CNTNAP2: variants seen among roughly 807,000 people sequenced by gnomAD.
The protein encoded by CNTNAP2 is contactin associated protein 2, also known as contactin-associated protein-like 2.
A neutral mutation model predicts 155.2 loss-of-function variants in CNTNAP2; 98 were observed. That is an observed-to-expected ratio of 0.63 (90% confidence interval 0.54 to 0.75). The LOEUF is 0.75. Among genes scored for constraint, CNTNAP2 ranks in the 30% least tolerant of loss-of-function variants. The pLI, the probability that CNTNAP2 is intolerant of heterozygous loss-of-function variation, is 0.00. For synonymous variants in CNTNAP2, 651 were observed against 631.2 expected (o/e 1.03, Z -0.47); for missense variants, 1,727 against 1,688.1 (o/e 1.02, Z -0.40).
At chr7:146,483,756 T>C (rs1797014825) in intron 1 of CNTNAP2, among the ~76,000 whole-genome samples, 1 of 152,146 alleles carries the variant, frequency 6.6e-6, no homozygotes, top group South Asian at 2.1e-4. Context: ...TGTACAGCTG[T>C]ACAACGTGTT....
chr7:146,886,460 C>T (rs1378889767), intron 3 of CNTNAP2, among the ~76,000 whole-genome samples: 2 of 151,788 alleles, frequency 1.3e-5, no homozygotes, highest in Non-Finnish European at 2.9e-5. Context: ...ACATTTGTGC[C>T]CTGGTATATT....
intron 11 of CNTNAP2, among the ~76,000 whole-genome samples, chr7:147,503,470 G>A (rs10236883): frequency 0.24 from 37,019 of 151,834 alleles, 4,844 homozygotes; most frequent in East Asian, 0.39. Flanking sequence ...TCTACACCCC[G>A]CTTTGCCACA....
intron 11 of CNTNAP2, among the ~76,000 whole-genome samples, chr7:147,504,642 T>C (rs1562970318): frequency 6.7e-6 from 1 of 149,784 alleles, no homozygotes; most frequent in Admixed American, 6.7e-5. Context: ...TGACCCGAGA[T>C]TGCACCACGG....
intron 6 of CNTNAP2, among the ~76,000 whole-genome samples, chr7:147,126,146 TA>T (rs1801229653): frequency 6.6e-6 from 1 of 152,190 alleles, no homozygotes; most frequent in South Asian, 2.1e-4. Context: ...GATAATTTAT[TA>T]TATTGACTGG....
chr7:146,734,481 A>G (rs1585065190), intron 1 of CNTNAP2, among the ~76,000 whole-genome samples: 1 of 151,700 alleles, frequency 6.6e-6, no homozygotes, highest in African/African-American at 2.4e-5. Context: ...ATAAGAAGGA[A>G]TGATGATATT....
chr7:147,741,733 T>G (rs530362301), intron 13 of CNTNAP2, among the ~76,000 whole-genome samples: 1 of 152,286 alleles, frequency 6.6e-6, no homozygotes, highest in African/African-American at 2.4e-5. Context: ...CAAAAAAGTT[T>G]TTTGTTATTA....
At chr7:146,633,855 A>C (rs1015175956) in intron 1 of CNTNAP2, among the ~76,000 whole-genome samples, 1 of 148,888 alleles carries the variant, frequency 6.7e-6, no homozygotes, top group African/African-American at 2.5e-5. Context: ...AAAAAAAAAA[A>C]ACAGAAACGT....
chr7:146,371,580 T>C (rs1795237082), intron 1 of CNTNAP2, among the ~76,000 whole-genome samples: 1 of 151,980 alleles, frequency 6.6e-6, no homozygotes, highest in Non-Finnish European at 1.5e-5. Flanking sequence ...GGTTTCACCA[T>C]GGTCTCGATC....
At chr7:147,382,342 G>A (rs1027895288) in intron 9 of CNTNAP2, among the ~76,000 whole-genome samples, 1 of 152,116 alleles carries the variant, frequency 6.6e-6, no homozygotes, top group African/African-American at 2.4e-5. Context: ...TCTGGGCTCA[G>A]GTGGGAACGA....
At chr7:146,754,638 A>C (rs541268758) in intron 1 of CNTNAP2, among the ~76,000 whole-genome samples, 3 of 151,290 alleles carry the variant, frequency 2.0e-5, no homozygotes, top group East Asian at 3.9e-4. Flanking sequence ...TCTCTGTGTG[A>C]TAGTTCCATT....
At chr7:146,646,358 G>T (rs188802422) in intron 1 of CNTNAP2, among the ~76,000 whole-genome samples, 4 of 152,160 alleles carry the variant, frequency 2.6e-5, no homozygotes, top group Admixed American at 2.6e-4. Context: ...GTATTTATGT[G>T]TATATAAATT....
chr7:146,587,046 T>TA (rs1459389790), intron 1 of CNTNAP2, among the ~76,000 whole-genome samples: 23 of 146,942 alleles, frequency 1.6e-4, no homozygotes, highest in Non-Finnish European at 1.3e-4. Context: ...TTTTTTTTTT[T>TA]AACAAACTCA....
At chr7:146,749,710 A>AT (rs1801871083) in intron 1 of CNTNAP2, among the ~76,000 whole-genome samples, 1 of 152,218 alleles carries the variant, frequency 6.6e-6, no homozygotes, top group Middle Eastern at 3.2e-3. Context: ...TGAAAAATTA[A>AT]AAAGAAATAC....
intron 9 of CNTNAP2, chr7:147,378,062 C>A (rs975170665): frequency 2.1e-6 from 1 of 466,210 alleles, no homozygotes; most frequent in Non-Finnish European, 4.4e-6. Flanking sequence ...CAGTTTTTGT[C>A]ATTACTTTTA....
At chr7:146,639,446 G>T (rs1228552275) in intron 1 of CNTNAP2, among the ~76,000 whole-genome samples, 1 of 138,732 alleles carries the variant, frequency 7.2e-6, no homozygotes, top group Non-Finnish European at 1.6e-5. Flanking sequence ...CAAGTATCAT[G>T]TAAGATAGAT....
chr7:147,261,405 CA>C (rs1804461160), intron 8 of CNTNAP2, among the ~76,000 whole-genome samples: 1 of 152,186 alleles, frequency 6.6e-6, no homozygotes, highest in South Asian at 2.1e-4. Context: ...AGATTCTGAT[CA>C]GAAGGTCTAA....
At chr7:146,289,866 A>C (rs1800401246) in intron 1 of CNTNAP2, among the ~76,000 whole-genome samples, 1 of 152,106 alleles carries the variant, frequency 6.6e-6, no homozygotes, top group South Asian at 2.1e-4. Flanking sequence ...TGTCAATTTC[A>C]TTTTTTCTAG....
chr7:146,518,387 C>G lies in CNTNAP2; in HGVS notation c.98-255884C>G, dbSNP rs1382158294. ...ACCAATAAAGTTTGGCTATGCAATT[C>G]AGAGCTCAACTTAAAAAGTTACGCA... On this transcript the variant is annotated intron_variant, in intron 1 of 23. Transcript: ENST00000361727. Among the ~76,000 whole-genome samples the G allele has an allele frequency of 2.0e-5, 3 of 151,930 alleles. No homozygotes were observed. The East Asian group carries it at 5.8e-4, about 29-fold the overall frequency.
chr7:147,130,126 A>C (rs550867715), intron 7 of CNTNAP2, among the ~76,000 whole-genome samples: 4 of 152,202 alleles, frequency 2.6e-5, no homozygotes, highest in Non-Finnish European at 4.4e-5. Flanking sequence ...AAAAAGATAG[A>C]TGTATAGCCT....
Sources: gnomAD v4.1 joint callset for allele counts (sites outside exome capture counted in the v4.1 genomes callset) on GRCh38, gnomAD v4.1.1 for gene constraint, MANE v1.5 for transcripts, NCBI Gene and HGNC (gene_info 2026-07-23, HGNC 2026-07-21) for gene names.